The following ADAMTS16 variants were observed in gnomAD, a reference collection of about 807,000 sequenced individuals.
The protein encoded by ADAMTS16 is ADAM metallopeptidase with thrombospondin type 1 motif 16.
In ADAMTS16, 94 loss-of-function variants were observed where a neutral mutation model predicts 145.8. The ratio of observed to expected loss-of-function variants is 0.64; its 90% CI spans 0.55 to 0.77. The LOEUF is 0.77. Ranked by LOEUF, ADAMTS16 falls within the 30% of genes least tolerant of loss-of-function variation. ADAMTS16 has a pLI of 0.00. For missense variants in ADAMTS16, 1,585 were observed against 1,591.5 expected, an observed-to-expected ratio of 1.00 and a Z score of 0.07; for synonymous variants, 659 against 604.3, an observed-to-expected ratio of 1.09 and a Z score of -1.33.
Position 5,309,963 on chromosome 5 carries a change from G to T in ADAMTS16, c.3411+3235G>T, listed in dbSNP as rs530478551. The stretch of plus-strand genomic sequence containing the variant: ...GTTCACATCCCAGTCAGGTGGCCAG[G>T]TCCCCTAGTAACCAATTTGATTGGG... On this transcript the variant is annotated intron_variant, in intron 21 of 22. Coordinates refer to ENST00000274181, the MANE Select transcript of ADAMTS16 (RefSeq NM_139056.4). Among the ~76,000 whole-genome samples the T allele has an allele frequency of 7.9e-5, 12 of 152,186 alleles. No individual in the cohort carries two copies. In the South Asian group the frequency reaches 2.3e-3, roughly 29 times the overall value.
At chr5:5,180,471 G>C (rs1449617580) in intron 3 of ADAMTS16, among the ~76,000 whole-genome samples, 2 of 152,180 alleles carry the variant, frequency 1.3e-5, no homozygotes, top group Admixed American at 1.3e-4. Flanking sequence ...AACTTGAGTA[G>C]TGCAGAGAGC....
intron 20 of ADAMTS16, 62 bp downstream of exon 20, chr5:5,303,828 T>C (rs1469231980): frequency 1.9e-6 from 3 of 1,553,206 alleles, no homozygotes; most frequent in Non-Finnish European, 2.6e-6. Context: ...CTGCCTCTTC[T>C]CTCCTGGTTT....
In ADAMTS16 at chr5:5,186,190, A is replaced by G; in HGVS notation, c.902A>G (p.Lys301Arg). The G allele has an allele frequency of 6.2e-7, 1 of 1,613,252 alleles. No homozygotes were observed. The highest frequency in any genetic ancestry group is 1.7e-5 in the Admixed American group (1 of 59,946). Residue 301 changes from lysine (K) to arginine (R), a missense_variant, in exon 5 of 23, where the codon AAG becomes AGG. This residue lies in a region of ADAMTS16 where 453 missense variants were observed against 412.1 expected (regional missense o/e 1.10). Coordinates refer to ENST00000274181, the MANE Select transcript of ADAMTS16 (RefSeq NM_139056.4). Reference sequence around the variant, plus strand: ...GAGACCTTGGTGGTGGTCGACAAAAAGATGATGCAAAACCATGGCCATGAA... The same window carrying G: ...GAGACCTTGGTGGTGGTCGACAAAAGGATGATGCAAAACCATGGCCATGAA... The part of the protein sequence containing the change: ...NVETLVVVDK[K>R]MMQNHGHENI...
intron 3 of ADAMTS16, among the ~76,000 whole-genome samples, chr5:5,168,634 ATATATATAATTATAT>A (rs1205225104): frequency 0.12 from 14,468 of 123,824 alleles, 871 homozygotes; most frequent in South Asian, 0.15. Context: ...ATTATATATA[ATATATATAATTATAT>A]TTATATATTA....
rs1474339486 is a variant in ADAMTS16 at position 5,310,931 on chromosome 5, T to C, written c.3411+4203T>C. Among the ~76,000 whole-genome samples the C allele has an allele frequency of 6.6e-6, 1 of 152,156 alleles. No individual in the cohort carries two copies. Among genetic ancestry groups the C allele is most frequent in the Non-Finnish European group, 1.5e-5 (1 of 68,040 alleles). On this transcript the variant is annotated intron_variant, in intron 21 of 22. Transcript: ENST00000274181. This position sits in a 1 kb window ranked among gnomAD's most constrained non-coding sequence, Gnocchi z 4.3. ...AAGGCAAGTGCCTTCTTTCACTTTA[T>C]ATGCTGCAGAGCCCTAGCCCAGAGC...
intron 3 of ADAMTS16, among the ~76,000 whole-genome samples, chr5:5,175,241 G>A (rs1735156220): frequency 2.0e-5 from 3 of 152,104 alleles, no homozygotes; most frequent in South Asian, 4.1e-4. Flanking sequence ...GACAGGACTG[G>A]GTCATTCCCT....
intron 9 of ADAMTS16, among the ~76,000 whole-genome samples, chr5:5,207,614 G>C (rs772857532): frequency 5.9e-5 from 9 of 151,884 alleles, no homozygotes; most frequent in Non-Finnish European, 1.2e-4. Flanking sequence ...ATTTGTTCCT[G>C]ATTTTAGTGG....
In ADAMTS16 at chr5:5,191,750, C is replaced by T; in HGVS notation, c.1273C>T (p.Leu425Phe). The change falls in exon 8 of 23, where the codon CTT becomes TTT. Residue 425 changes from leucine (L) to phenylalanine (F), a missense_variant. Leu to Phe is a conservative substitution (Grantham distance 22). Coordinates refer to ENST00000274181, the MANE Select transcript of ADAMTS16 (RefSeq NM_139056.4). ...CTGCACGATTAATGAAGATACAGGTCTTGGACTGGCCTTCACCATTGCCCA... is the reference window on the plus strand; with the variant it reads ...CTGCACGATTAATGAAGATACAGGTTTTGGACTGGCCTTCACCATTGCCCA... ...RSCTINEDTG[L>F]GLAFTIAHES... The T allele has an allele frequency of 6.2e-7, 1 of 1,613,676 alleles. No homozygotes were observed. Among genetic ancestry groups the T allele is most frequent in the Non-Finnish European group, 8.5e-7 (1 of 1,179,730 alleles).
At chr5:5,279,910 C>CT (rs1340125056) in intron 18 of ADAMTS16, among the ~76,000 whole-genome samples, 28 of 4,864 alleles carry the variant, frequency 5.8e-3, no homozygotes, top group South Asian at 0.015. Flanking sequence ...CTTTTCTTTT[C>CT]TTTCTTTATT....
chr5:5,181,915 G>A, intron 3 of ADAMTS16, 129 bp from the exon 4 acceptor site: 2 of 1,089,716 alleles, frequency 1.8e-6, no homozygotes, highest in South Asian at 1.6e-5. Flanking sequence ...CCTTTCCAAT[G>A]TTCGCTCTCA....
At chr5:5,252,328 C>G (rs66543945) in intron 17 of ADAMTS16, among the ~76,000 whole-genome samples, 3,378 of 142,260 alleles carry the variant, frequency 0.024, 42 homozygotes, top group Non-Finnish European at 0.033. Flanking sequence ...ATTCAGAAGT[C>G]ACAATGAGAA....
intron 10 of ADAMTS16, among the ~76,000 whole-genome samples, chr5:5,220,082 A>G (rs1736548844): frequency 6.6e-6 from 1 of 152,126 alleles, no homozygotes; most frequent in Non-Finnish European, 1.5e-5. Context: ...CCATGTGCCC[A>G]GAAAGCATTT....
intron 3 of ADAMTS16, among the ~76,000 whole-genome samples, chr5:5,177,561 C>T (rs1349705433): frequency 6.6e-6 from 1 of 152,032 alleles, no homozygotes; most frequent in Admixed American, 6.6e-5. Flanking sequence ...CAAGATATCA[C>T]ATATAATCAC....
rs756640380 is a variant in ADAMTS16, at chr5:5,186,044, C to T, written c.764-8C>T. On this transcript the variant is annotated splice_region_variant and splice_polypyrimidine_tract_variant and intron_variant, in intron 4 of 22. Transcript: ENST00000274181. ...GCTTCCATTTGCCCTCCATGTGTCCCTCCATAGACATGCCCCAGCCTCCCA... is the reference window on the plus strand; with the variant it reads ...GCTTCCATTTGCCCTCCATGTGTCCTTCCATAGACATGCCCCAGCCTCCCA... 141 of 1,610,044 alleles carry T rather than the reference C, an allele frequency of 8.8e-5. No homozygotes were observed. The highest frequency in any genetic ancestry group is 1.2e-4 in the Non-Finnish European group (137 of 1,178,604).
chr5:5,161,965 C>A (rs2126528041), intron 3 of ADAMTS16, among the ~76,000 whole-genome samples: 1 of 152,268 alleles, frequency 6.6e-6, no homozygotes, highest in Non-Finnish European at 1.5e-5. Flanking sequence ...ACTCCCAAAC[C>A]AAAGCTTGGG....
chr5:5,191,614 G>C, intron 7 of ADAMTS16, 71 bp from the exon 8 acceptor site: 4 of 1,303,026 alleles, frequency 3.1e-6, no homozygotes, highest in Non-Finnish European at 4.4e-6. Context: ...CTAAGGGGTA[G>C]AAAATAAATA....
chr5:5,140,698 C>G lies in ADAMTS16; in HGVS notation c.107C>G (p.Ala36Gly). ...TGCGCCATGGGACCCGCAGCGGCAG[C>G]GCCTGGGAGCCCGAGCGTCCCGCGT... ...PACAMGPAAA[A>G]PGSPSVPRPP... Residue 36 changes from alanine (A) to glycine (G), a missense_variant, in exon 2 of 23, where the codon GCG (alanine) becomes GGG (glycine). Ala to Gly is a moderately conservative substitution (Grantham distance 60, BLOSUM62 0). Coordinates refer to ENST00000274181, the MANE Select transcript of ADAMTS16 (RefSeq NM_139056.4). 1 of 1,565,286 alleles carries G rather than the reference C, an allele frequency of 6.4e-7. No homozygotes were observed. The highest frequency in any genetic ancestry group is 2.3e-5 in the East Asian group (1 of 43,118).
intron 18 of ADAMTS16, among the ~76,000 whole-genome samples, chr5:5,264,375 T>C (rs1294026922): frequency 6.6e-6 from 1 of 152,072 alleles, no homozygotes; most frequent in Non-Finnish European, 1.5e-5. Flanking sequence ...ATCTTTCAAA[T>C]AGCTCAAGGC....
chr5:5,175,050 C>T (rs911708786), intron 3 of ADAMTS16, among the ~76,000 whole-genome samples: 6 of 152,202 alleles, frequency 3.9e-5, no homozygotes, highest in African/African-American at 1.4e-4. Flanking sequence ...TACTTTTCCT[C>T]CTACTTTCCT....
Sources: gnomAD v4.1 joint callset for allele counts (sites outside exome capture counted in the v4.1 genomes callset) on GRCh38, gnomAD v4.1.1 for gene constraint, gnomAD v4.1.1 regional missense constraint, Gnocchi (gnomAD v3.1) non-coding constraint, MANE v1.5 for transcripts, NCBI Gene and HGNC (gene_info 2026-07-23, HGNC 2026-07-21) for gene names.